The following RIMS2 variants were observed in gnomAD, a reference collection of about 807,000 sequenced individuals.
The protein encoded by RIMS2 is regulating synaptic membrane exocytosis protein 2.
A neutral mutation model predicts 174.4 loss-of-function variants in RIMS2; 59 were observed. That is an observed-to-expected ratio of 0.34 (90% confidence interval 0.27 to 0.42). RIMS2 has a LOEUF of 0.42. Among genes scored for constraint, RIMS2 ranks in the 10% least tolerant of loss-of-function variants. The pLI, the probability that RIMS2 is intolerant of heterozygous loss-of-function variation, is 1.00. For missense variants in RIMS2, 1,620 were observed against 1,666.3 expected, an observed-to-expected ratio of 0.97 and a Z score of 0.48; for synonymous variants, 606 against 572.5, an observed-to-expected ratio of 1.06 and a Z score of -0.84.
At chr8:104,127,959 C>A (rs1401072132) in intron 19 of RIMS2, among the ~76,000 whole-genome samples, 1 of 152,168 alleles carries the variant, frequency 6.6e-6, no homozygotes, top group East Asian at 1.9e-4. Flanking sequence ...TCCAGAGTAA[C>A]ACTCAAGAAT....
intron 19 of RIMS2, among the ~76,000 whole-genome samples, chr8:104,073,114 T>G (rs1208794432): frequency 6.6e-6 from 1 of 152,198 alleles, no homozygotes; most frequent in African/African-American, 2.4e-5. Flanking sequence ...AAATGTGATT[T>G]ATTAAGTTTA....
At chr8:103,806,634 G>A (rs2098651999) in intron 3 of RIMS2, among the ~76,000 whole-genome samples, 1 of 151,946 alleles carries the variant, frequency 6.6e-6, no homozygotes, top group African/African-American at 2.4e-5. Context: ...GTGTGTGTGT[G>A]GGCAATCTTT....
chr8:103,711,928 A>G (rs940880286), intron 2 of RIMS2, among the ~76,000 whole-genome samples: 11 of 151,970 alleles, frequency 7.2e-5, no homozygotes, highest in Admixed American at 6.6e-5. Context: ...CACTTTTAAA[A>G]TGTACTTTTA....
At chr8:103,610,375 G>A (rs1441880529) in intron 1 of RIMS2, among the ~76,000 whole-genome samples, 1 of 152,118 alleles carries the variant, frequency 6.6e-6, no homozygotes, top group Non-Finnish European at 1.5e-5. Context: ...TTGTTGAATA[G>A]GAGTGGTGAT....
chr8:103,804,870 C>T (rs1256830717), intron 3 of RIMS2, among the ~76,000 whole-genome samples: 1 of 151,806 alleles, frequency 6.6e-6, no homozygotes, highest in East Asian at 1.9e-4. Context: ...AGTCATAGAT[C>T]ACTGCAACCC....
intron 19 of RIMS2, among the ~76,000 whole-genome samples, chr8:104,155,032 A>G (rs1298102529): frequency 6.6e-6 from 1 of 152,070 alleles, no homozygotes; most frequent in Non-Finnish European, 1.5e-5. Flanking sequence ...GGCTTCACCT[A>G]GTATTCTCAG....
In RIMS2 at chr8:104,183,469, T is replaced by C. The variant is rs143159184; in HGVS notation, c.3335-61447T>C. Among the ~76,000 whole-genome samples the C allele has an allele frequency of 9.9e-4, 151 of 151,764 alleles. 1 individual carries two copies. Among genetic ancestry groups the C allele is most frequent in the African/African-American group, 3.5e-3 (144 of 41,520 alleles). On this transcript the variant is annotated intron_variant, in intron 19 of 23. Coordinates refer to ENST00000504942, the Ensembl canonical transcript of RIMS2. ...GACAGAGATCATGCTATTTTGCAGATGTTTAAGGATAATAAGATTGACATT... is the reference window on the plus strand; with the variant it reads ...GACAGAGATCATGCTATTTTGCAGACGTTTAAGGATAATAAGATTGACATT...
At chr8:104,228,251 A>G (rs966638883) in intron 19 of RIMS2, among the ~76,000 whole-genome samples, 2 of 151,896 alleles carry the variant, frequency 1.3e-5, no homozygotes, top group African/African-American at 4.8e-5. Flanking sequence ...GGTGGTCTCA[A>G]TCTCCTGACC....
intron 15 of RIMS2, among the ~76,000 whole-genome samples, chr8:103,964,246 C>G (rs560149085): frequency 6.6e-6 from 1 of 152,140 alleles, no homozygotes; most frequent in African/African-American, 2.4e-5. Flanking sequence ...AGTTCCAAAA[C>G]GTCTGTACCA....
At chr8:103,958,343 A>G (rs1162186361) in intron 14 of RIMS2, among the ~76,000 whole-genome samples, 1 of 152,136 alleles carries the variant, frequency 6.6e-6, no homozygotes, top group Non-Finnish European at 1.5e-5. Flanking sequence ...TGAAAGTGGG[A>G]GCTAAATAAA....
chr8:103,570,297 G>A (rs1356521888), intron 1 of RIMS2, among the ~76,000 whole-genome samples: 1 of 152,050 alleles, frequency 6.6e-6, no homozygotes, highest in Non-Finnish European at 1.5e-5. Flanking sequence ...TAGAGTTTTG[G>A]AAAAATAACA....
intron 1 of RIMS2, among the ~76,000 whole-genome samples, chr8:103,612,575 C>T (rs2095407049): frequency 6.6e-6 from 1 of 151,096 alleles, no homozygotes; most frequent in African/African-American, 2.4e-5. Flanking sequence ...GACTCTTGTT[C>T]CTTTTCTTTT....
chr8:103,678,779 G>A (rs1250552738), intron 1 of RIMS2, among the ~76,000 whole-genome samples: 2 of 152,072 alleles, frequency 1.3e-5, no homozygotes, highest in Non-Finnish European at 2.9e-5. Context: ...TAAAAAGGAA[G>A]TCAATTCAAT....
intron 1 of RIMS2, among the ~76,000 whole-genome samples, chr8:103,627,838 A>G (rs1299908845): frequency 1.3e-5 from 2 of 152,320 alleles, no homozygotes; most frequent in East Asian, 1.9e-4. Context: ...ATAATCATTT[A>G]TACCTTTCTT....
At chr8:104,065,058 A>G (rs2097080563) in intron 19 of RIMS2, among the ~76,000 whole-genome samples, 1 of 152,036 alleles carries the variant, frequency 6.6e-6, no homozygotes, top group Admixed American at 6.6e-5. Flanking sequence ...CAAACTTTTT[A>G]TTTTGGAAAG....
At chr8:103,506,210 C>T (rs1823533638) in intron 1 of RIMS2, among the ~76,000 whole-genome samples, 1 of 151,968 alleles carries the variant, frequency 6.6e-6, no homozygotes, top group East Asian at 1.9e-4. Context: ...AACAAGCAAA[C>T]AAAAAATTGA....
chr8:104,242,647 T>C (rs2099308274), intron 19 of RIMS2, among the ~76,000 whole-genome samples: 2 of 152,336 alleles, frequency 1.3e-5, no homozygotes, highest in East Asian at 1.9e-4. Context: ...ATTTCTCTGA[T>C]TGTTTTATGT....
At chr8:104,188,233 A>C (rs1405261844) in intron 19 of RIMS2, among the ~76,000 whole-genome samples, 4 of 135,922 alleles carry the variant, frequency 2.9e-5, no homozygotes, top group African/African-American at 1.1e-4. Flanking sequence ...ATAGATAGAT[A>C]GATAGATAGA....
intron 19 of RIMS2, among the ~76,000 whole-genome samples, chr8:104,128,941 C>A (rs1387453155): frequency 6.6e-6 from 1 of 152,024 alleles, no homozygotes; most frequent in Non-Finnish European, 1.5e-5. Context: ...AAGGTGTGAC[C>A]TAATTTGCAA....
Sources: gnomAD v4.1 joint callset for allele counts (sites outside exome capture counted in the v4.1 genomes callset) on GRCh38, gnomAD v4.1.1 for gene constraint, MANE v1.5 for transcripts, NCBI Gene and HGNC (gene_info 2026-07-23, HGNC 2026-07-21) for gene names.